The following DMXL1 variants were observed in gnomAD, a reference collection of about 807,000 sequenced individuals.
DMXL1 encodes the protein Dmx like 1.
In DMXL1, 99 loss-of-function variants were observed where a neutral mutation model predicts 319.2. The observed-to-expected ratio is 0.31, with a 90% CI of 0.26 to 0.37. The LOEUF (loss-of-function observed/expected upper bound fraction) is 0.37. DMXL1 is among the 10% of genes least tolerant of loss of function. The pLI is 1.00. For synonymous variants in DMXL1, 1,385 were observed against 1,235.2 expected (o/e 1.12, Z -2.54); for missense variants, 3,745 against 3,595.6 (o/e 1.04, Z -1.06).
chr5:119,166,106 A>G (rs1773386655), intron 21 of DMXL1, among the ~76,000 whole-genome samples: 1 of 152,204 alleles, frequency 6.6e-6, no homozygotes, highest in Non-Finnish European at 1.5e-5. Context: ...GGTGAACATG[A>G]TTATCATAAA....
At chr5:119,169,438 T>A (rs544526818) in intron 23 of DMXL1, among the ~76,000 whole-genome samples, 1 of 152,258 alleles carries the variant, frequency 6.6e-6, no homozygotes, top group African/African-American at 2.4e-5. Context: ...CAAAGGTAAC[T>A]CCTGGCTTTT....
At chr5:119,129,024 C>G (rs1764216821) in intron 9 of DMXL1, among the ~76,000 whole-genome samples, 187 bp from the exon 10 acceptor site, 1 of 152,108 alleles carries the variant, frequency 6.6e-6, no homozygotes, top group African/African-American at 2.4e-5. Context: ...CACCAGTGCA[C>G]TCCAGCCTGG....
chr5:119,196,448 A>G lies in DMXL1; in HGVS notation c.7535A>G (p.Asp2512Gly). ...LKTFYPFAGH[D>G]LAELPVSSPL... ...ACTTTTTATCCCTTCGCAGGTCATG[A>G]TCTTGCAGGTAATAAATAGCTCAAC... is the stretch of plus-strand genomic sequence containing the variant. Residue 2512 changes from aspartate to glycine, a missense_variant, in exon 31 of 44, where the codon GAT (aspartate) becomes GGT (glycine). Coordinates refer to ENST00000539542, the MANE Select transcript of DMXL1 (RefSeq NM_001290321.3). 6.2e-7 allele frequency: 1 copy of G among 1,609,806 alleles called. No homozygotes were observed. Among genetic ancestry groups the G allele is most frequent in the Non-Finnish European group, 8.5e-7 (1 of 1,178,022 alleles).
intron 25 of DMXL1, among the ~76,000 whole-genome samples, chr5:119,173,883 C>T (rs895027459): frequency 6.7e-6 from 1 of 149,032 alleles, no homozygotes; most frequent in East Asian, 2.0e-4. Flanking sequence ...GCAAGTTGGA[C>T]ACCCAGGAGA....
At chr5:119,125,304 T>G (rs79649982) in intron 9 of DMXL1, among the ~76,000 whole-genome samples, 2,121 of 152,302 alleles carry the variant, frequency 0.014, 48 homozygotes, top group African/African-American at 0.048. Flanking sequence ...GATTGATTCA[T>G]TAGCTTTACA....
At chr5:119,214,062 G>A (rs1451053173) in intron 34 of DMXL1, among the ~76,000 whole-genome samples, 4 of 151,762 alleles carry the variant, frequency 2.6e-5, no homozygotes, top group East Asian at 1.9e-4. Flanking sequence ...GTTATCTTAC[G>A]GTTTAAATAT....
chr5:119,127,498 A>G (rs1233067159), intron 9 of DMXL1, among the ~76,000 whole-genome samples: 1 of 152,168 alleles, frequency 6.6e-6, no homozygotes, highest in Non-Finnish European at 1.5e-5. Flanking sequence ...TCTGGAGTGC[A>G]GTGACCGATA....
intron 7 of DMXL1, among the ~76,000 whole-genome samples, chr5:119,116,710 C>A (rs1328074877): frequency 6.6e-6 from 1 of 152,070 alleles, no homozygotes; most frequent in African/African-American, 2.4e-5. Flanking sequence ...TCTAGTATGT[C>A]TTCCCTGGTT....
In DMXL1 at chr5:119,239,020, A is replaced by G. The variant is rs1185835870; in HGVS notation, c.8591A>G (p.Asp2864Gly). 1 of 1,613,730 alleles carries G rather than the reference A, an allele frequency of 6.2e-7. No homozygotes were observed. The highest frequency in any genetic ancestry group is 1.3e-5 in the African/African-American group (1 of 74,906). The change falls in exon 41 of 44, where the codon GAT becomes GGT. Residue 2864 changes from aspartate (D) to glycine (G), a missense_variant. Around this residue, in one of 4 missense-constraint regions of DMXL1, gnomAD observed 262 missense variants for 320.5 expected, o/e 0.82. Coordinates refer to ENST00000539542, the MANE Select transcript of DMXL1 (RefSeq NM_001290321.3). ...TWQCHNKTAN[D>G]FVFVSSSSLI... ...CAGTGTCATAACAAAACAGCCAATGATTTTGTCTTCGTTAGTTCCTCCTCT... is the reference window on the plus strand; with the variant it reads ...CAGTGTCATAACAAAACAGCCAATGGTTTTGTCTTCGTTAGTTCCTCCTCT...
chr5:119,204,113 C>A (rs899652233), intron 33 of DMXL1, among the ~76,000 whole-genome samples: 1 of 151,992 alleles, frequency 6.6e-6, no homozygotes, highest in African/African-American at 2.4e-5. Flanking sequence ...TGAACCACCA[C>A]GCCCGGCCTG....
At chr5:119,173,776 G>GTGTGTGTATATATA in intron 25 of DMXL1, among the ~76,000 whole-genome samples, 9 of 67,172 alleles carry the variant, frequency 1.3e-4, no homozygotes, top group East Asian at 9.1e-4. Flanking sequence ...ATGTGTGTGT[G>GTGTGTGTATATATA]TATATATATA....
At chr5:119,073,562 T>C (rs1750134047) in intron 1 of DMXL1, among the ~76,000 whole-genome samples, 1 of 152,242 alleles carries the variant, frequency 6.6e-6, no homozygotes, top group East Asian at 1.9e-4. Flanking sequence ...TGTACCATCA[T>C]GTAGCTTGTT....
intron 41 of DMXL1, among the ~76,000 whole-genome samples, chr5:119,239,862 C>T (rs1295741708): frequency 1.3e-5 from 2 of 149,424 alleles, no homozygotes; most frequent in African/African-American, 2.5e-5. Flanking sequence ...GGGGCTGAGG[C>T]AGGAGAATCG....
At position 119,121,922 on chromosome 5, in the gene DMXL1, C is replaced by A. The variant is rs1210060156; in HGVS notation, c.1102+783C>A. ...GGCCGGGCGGGGGGCTGACCCCCCC[C>A]ACCTCCCTCCCGGACGGGGCGGCTG... On this transcript the variant is annotated intron_variant, in intron 9 of 43. Coordinates refer to ENST00000539542, the MANE Select transcript of DMXL1 (RefSeq NM_001290321.3). 7.2e-4 allele frequency among the ~76,000 whole-genome samples: 98 copies of A among 137,050 alleles called. 1 individual carries two copies. Among genetic ancestry groups the A allele is most frequent in the African/African-American group, 2.4e-3 (89 of 36,330 alleles). 89.9% of individuals were successfully genotyped at this position (137,050 alleles called of 152,430 possible).
At chr5:119,152,748 G>A (rs1443486943) in intron 19 of DMXL1, among the ~76,000 whole-genome samples, 1 of 152,058 alleles carries the variant, frequency 6.6e-6, no homozygotes, top group African/African-American at 2.4e-5. Context: ...CTCATCTCCC[G>A]GGAAGTTCAA....
intron 9 of DMXL1, chr5:119,126,895 G>A: frequency 6.1e-6 from 1 of 165,146 alleles, no homozygotes. Context: ...TTTGTGCTGT[G>A]CTTAAATTCC....
At chr5:119,103,289 A>C (rs1183315859) in intron 3 of DMXL1, among the ~76,000 whole-genome samples, 1 of 152,224 alleles carries the variant, frequency 6.6e-6, no homozygotes, top group Non-Finnish European at 1.5e-5. Context: ...GAATGTATTA[A>C]TTATAAAGGA....
intron 26 of DMXL1, among the ~76,000 whole-genome samples, chr5:119,176,516 T>C (rs1020433565): frequency 6.6e-6 from 1 of 152,098 alleles, no homozygotes; most frequent in Non-Finnish European, 1.5e-5. Flanking sequence ...CTATGATTTC[T>C]ATAGGAATGA....
chr5:119,170,171 A>G lies in DMXL1; in HGVS notation c.5399-19A>G. 1 of 1,574,506 alleles carries G rather than the reference A, an allele frequency of 6.4e-7. No individual in the cohort carries two copies. Among genetic ancestry groups the G allele is most frequent in the Non-Finnish European group, 8.6e-7 (1 of 1,164,552 alleles). On this transcript the variant is annotated intron_variant, in intron 23 of 43. Transcript: ENST00000539542. Reference sequence around the variant, plus strand: ...CAGTTCATAACTTTTCTTGGCTCATAAAATGAATTTACTTTCAGATCAAGT... The same window carrying G: ...CAGTTCATAACTTTTCTTGGCTCATGAAATGAATTTACTTTCAGATCAAGT...
Sources: gnomAD v4.1 joint callset for allele counts (sites outside exome capture counted in the v4.1 genomes callset) on GRCh38, gnomAD v4.1.1 for gene constraint, gnomAD v4.1.1 regional missense constraint, MANE v1.5 for transcripts, NCBI Gene and HGNC (gene_info 2026-07-23, HGNC 2026-07-21) for gene names.